The following WNT7A variants were observed in gnomAD, a reference collection of about 807,000 sequenced individuals.
WNT7A encodes Wnt family member 7A.
In WNT7A, 16 loss-of-function variants were observed where a neutral mutation model predicts 28.2. The ratio of observed to expected loss-of-function variants is 0.57; its 90% CI spans 0.38 to 0.86. WNT7A has a LOEUF of 0.86. Ranked by LOEUF, WNT7A falls within the 40% of genes least tolerant of loss-of-function variation. The pLI is 0.00. For missense variants in WNT7A, 411 were observed against 489.7 expected, an observed-to-expected ratio of 0.84 and a Z score of 1.52; for synonymous variants, 190 against 195.9, an observed-to-expected ratio of 0.97 and a Z score of 0.25.
At position 13,818,575 on chromosome 3, in the gene WNT7A, T is replaced by A. The variant is rs963003687; in HGVS notation, c.*369A>T. The A allele has an allele frequency of 6.5e-6, 1 of 153,432 alleles. No individual in the cohort carries two copies. The highest frequency in any genetic ancestry group is 2.4e-5 in the African/African-American group (1 of 41,434). The allele number at this position is 153,432 out of a possible 1,614,324, so 9.5% of individuals were successfully genotyped here. A position where few individuals can be genotyped will look rare whatever the true frequency, so the allele number is the denominator to read the frequency against. ...GTCCACTTTGATTGCAGAAAACGGA[T>A]CCCGACGAGGTGGAAGAATTCTTTT... On this transcript the variant is annotated 3_prime_UTR_variant, in exon 4 of 4. Coordinates refer to ENST00000285018, the MANE Select transcript of WNT7A (RefSeq NM_004625.4).
At chr3:13,837,074 C>G (rs1694381701) in intron 3 of WNT7A, among the ~76,000 whole-genome samples, 2 of 152,136 alleles carry the variant, frequency 1.3e-5, no homozygotes, top group African/African-American at 4.8e-5. Flanking sequence ...GGGGTGTGGG[C>G]AGTTACCGGA....
At chr3:13,862,667 C>T (rs1413640070) in intron 2 of WNT7A, among the ~76,000 whole-genome samples, 2 of 152,172 alleles carry the variant, frequency 1.3e-5, no homozygotes, top group Non-Finnish European at 2.9e-5. Context: ...GTGCAGGGAG[C>T]TGTGTCTGGG....
chr3:13,846,181 G>A (rs923369156), intron 3 of WNT7A, among the ~76,000 whole-genome samples: 2 of 152,270 alleles, frequency 1.3e-5, no homozygotes, highest in Admixed American at 1.3e-4. Context: ...ACGTGTGCGT[G>A]CCTGGATAAC....
intron 2 of WNT7A, among the ~76,000 whole-genome samples, chr3:13,856,927 A>G (rs867582074): frequency 4.5e-5 from 5 of 111,182 alleles, no homozygotes; most frequent in East Asian, 4.3e-4. Context: ...GAAGAAGAAG[A>G]AGAAGAAGAA....
At chr3:13,868,932 A>T (rs1694978226) in intron 2 of WNT7A, among the ~76,000 whole-genome samples, 2 of 143,870 alleles carry the variant, frequency 1.4e-5, no homozygotes, top group African/African-American at 5.2e-5. Context: ...GGAAAGAAGG[A>T]AGGAAGGAAA....
At position 13,879,076 on chromosome 3, in the gene WNT7A, C is replaced by G. The variant is rs368658329; in HGVS notation, c.71+670G>C. On this transcript the variant is annotated intron_variant, in intron 1 of 3. Coordinates refer to ENST00000285018, the MANE Select transcript of WNT7A (RefSeq NM_004625.4). Reference sequence around the variant, plus strand: ...GCTTGTCTCCCTCTGTGTCTCAGACCGCCTCTCGTCCCACCTTTGTGTGTG... The same window carrying G: ...GCTTGTCTCCCTCTGTGTCTCAGACGGCCTCTCGTCCCACCTTTGTGTGTG... Among the ~76,000 whole-genome samples, 28 of 152,340 alleles carry G rather than the reference C, an allele frequency of 1.8e-4. No homozygotes were observed. In the East Asian group the frequency reaches 2.7e-3, roughly 15 times the overall value.
chr3:13,831,334 C>A (rs34160038), intron 3 of WNT7A, among the ~76,000 whole-genome samples: 25,098 of 152,158 alleles, frequency 0.16, 2,706 homozygotes, highest in East Asian at 0.56. Flanking sequence ...CCATCATCAG[C>A]CCATTTCACA....
At position 13,820,686 on chromosome 3, in the gene WNT7A, C is replaced by T. The variant is rs552544827; in HGVS notation, c.571-1263G>A. On this transcript the variant is annotated intron_variant, in intron 3 of 3. Coordinates refer to ENST00000285018, the MANE Select transcript of WNT7A (RefSeq NM_004625.4). ...GGGCCCGTTCAAGATGCTGGGGATA[C>T]TGAGGTGACAAGATTAAGTCCCTGA... Among the ~76,000 whole-genome samples, 4 of 152,264 alleles carry T rather than the reference C, an allele frequency of 2.6e-5. No individual in the cohort carries two copies. In the South Asian group the frequency reaches 8.3e-4, roughly 32 times the overall value.
chr3:13,839,274 C>A (rs985375890), intron 3 of WNT7A, among the ~76,000 whole-genome samples: 2 of 152,092 alleles, frequency 1.3e-5, no homozygotes, highest in African/African-American at 4.8e-5. Context: ...CACATGGAAC[C>A]GGGAGCTGCA....
intron 3 of WNT7A, among the ~76,000 whole-genome samples, chr3:13,827,676 C>T (rs1196724355): frequency 6.6e-6 from 1 of 152,138 alleles, no homozygotes; most frequent in Non-Finnish European, 1.5e-5. Context: ...CAGACAGCAA[C>T]CTCTGGCTCC....
intron 3 of WNT7A, among the ~76,000 whole-genome samples, chr3:13,828,599 C>T (rs1189656982): frequency 1.3e-5 from 2 of 152,142 alleles, no homozygotes; most frequent in African/African-American, 4.8e-5. Context: ...CATGGCATGG[C>T]GCAGGTCTGG....
intron 3 of WNT7A, among the ~76,000 whole-genome samples, chr3:13,850,529 G>A (rs1405458283): frequency 2.0e-5 from 3 of 152,086 alleles, no homozygotes; most frequent in Non-Finnish European, 2.9e-5. Context: ...TTTTCACTTC[G>A]GCGGAATTCC....
intron 2 of WNT7A, among the ~76,000 whole-genome samples, chr3:13,862,327 A>C (rs1298688927): frequency 2.0e-5 from 3 of 152,208 alleles, no homozygotes; most frequent in Non-Finnish European, 4.4e-5. Flanking sequence ...GCCTGCCCAA[A>C]AGATTCCATT....
intron 2 of WNT7A, among the ~76,000 whole-genome samples, chr3:13,860,661 T>C (rs997284311): frequency 2.0e-5 from 3 of 152,076 alleles, no homozygotes; most frequent in Admixed American, 1.3e-4. Context: ...AGGATGCAAA[T>C]CTGGAGGTCA....
chr3:13,852,371 C>T (rs1694652485), intron 3 of WNT7A, among the ~76,000 whole-genome samples: 1 of 152,232 alleles, frequency 6.6e-6, no homozygotes. Flanking sequence ...GTAGGCTGGC[C>T]CCATTGCTCC....
chr3:13,850,623 G>A (rs1694617534), intron 3 of WNT7A, among the ~76,000 whole-genome samples: 1 of 152,082 alleles, frequency 6.6e-6, no homozygotes, highest in South Asian at 2.1e-4. Flanking sequence ...CCATCCCCAG[G>A]GCTGCCTCTC....
chr3:13,871,891 C>G (rs1695031536), intron 2 of WNT7A, among the ~76,000 whole-genome samples: 1 of 152,200 alleles, frequency 6.6e-6, no homozygotes, highest in African/African-American at 2.4e-5. Context: ...ACCCCCTGCC[C>G]TGGCCTGAGG....
At chr3:13,835,612 C>A (rs1311712437) in intron 3 of WNT7A, among the ~76,000 whole-genome samples, 6 of 152,236 alleles carry the variant, frequency 3.9e-5, no homozygotes, top group Non-Finnish European at 8.8e-5. Context: ...GAGACCTGGG[C>A]TCTGTCAGGG....
intron 2 of WNT7A, among the ~76,000 whole-genome samples, chr3:13,872,271 G>A (rs1030629241): frequency 6.6e-6 from 1 of 152,122 alleles, no homozygotes; most frequent in African/African-American, 2.4e-5. Flanking sequence ...CCTATTAGGG[G>A]CTATGGATTC....
Sources: allele counts gnomAD v4.1 joint callset (sites outside exome capture counted in the v4.1 genomes callset), GRCh38; gene constraint gnomAD v4.1.1; transcripts MANE v1.5; gene names NCBI Gene and HGNC (gene_info 2026-07-23, HGNC 2026-07-21).